The following EPHA3 variants were observed in gnomAD, a reference collection of about 807,000 sequenced individuals.
The protein encoded by EPHA3 is ephrin type-A receptor 3.
Under a neutral mutation model 107.1 loss-of-function variants are expected in EPHA3, and 42 were observed. That is an observed-to-expected ratio of 0.39 (90% CI 0.31 to 0.51). The LOEUF (loss-of-function observed/expected upper bound fraction) is 0.51. Ranked by LOEUF, EPHA3 falls within the 20% of genes least tolerant of loss-of-function variation. EPHA3 has a pLI of 0.78. For synonymous variants in EPHA3, 461 were observed against 424.8 expected (o/e 1.09, Z -1.05); for missense variants, 1,183 against 1,211.2 (o/e 0.98, Z 0.35).
intron 3 of EPHA3, among the ~76,000 whole-genome samples, chr3:89,313,572 G>A (rs555562842): frequency 6.6e-6 from 1 of 151,980 alleles, no homozygotes; most frequent in Admixed American, 6.6e-5. Flanking sequence ...TATACTTCAA[G>A]TGGGCACTAA....
rs147907885 is a variant in EPHA3 at position 89,305,630 on chromosome 3, A to G, written c.815-35286A>G. On this transcript the variant is annotated intron_variant, in intron 3 of 16. Transcript: ENST00000336596. ...TTCTATATTTGGGTTTCTTGATTGT[A>G]AGGGGAAAAAACCTATAATATGTTT... Among the ~76,000 whole-genome samples, 8 of 152,230 alleles carry G rather than the reference A, an allele frequency of 5.3e-5. No homozygotes were observed. The East Asian group carries it at 1.5e-3, about 29-fold the overall frequency.
intron 5 of EPHA3, among the ~76,000 whole-genome samples, chr3:89,344,478 G>A (rs961991684): frequency 6.6e-6 from 1 of 152,182 alleles, no homozygotes; most frequent in Admixed American, 6.5e-5. Flanking sequence ...ATCATTTTGT[G>A]TGCCTGGGGA....
intron 4 of EPHA3, among the ~76,000 whole-genome samples, chr3:89,341,364 T>C (rs1218644649): frequency 6.6e-6 from 1 of 152,192 alleles, no homozygotes; most frequent in Non-Finnish European, 1.5e-5. Context: ...GGGGAGGTTA[T>C]AGACAGGGGA....
At chr3:89,286,444 A>G (rs1706085708) in intron 3 of EPHA3, among the ~76,000 whole-genome samples, 1 of 152,094 alleles carries the variant, frequency 6.6e-6, no homozygotes, top group South Asian at 2.1e-4. Context: ...GGCAAAGGCG[A>G]AAGCAGGGAG....
chr3:89,313,696 T>C (rs1309576206), intron 3 of EPHA3, among the ~76,000 whole-genome samples: 1 of 151,910 alleles, frequency 6.6e-6, no homozygotes, highest in Non-Finnish European at 1.5e-5. Context: ...ATATACAGTC[T>C]TATGTTTACT....
intron 5 of EPHA3, among the ~76,000 whole-genome samples, chr3:89,350,481 C>T (rs1275415160): frequency 1.3e-5 from 2 of 151,212 alleles, no homozygotes; most frequent in African/African-American, 2.4e-5. Context: ...CTCCTTTAAG[C>T]ACTTCTCTGT....
chr3:89,476,551 A>G (rs1710511393), intron 16 of EPHA3, among the ~76,000 whole-genome samples: 1 of 147,718 alleles, frequency 6.8e-6, no homozygotes. Flanking sequence ...TAATATAAAT[A>G]TTATATATAT....
At chr3:89,287,422 A>G (rs555688423) in intron 3 of EPHA3, among the ~76,000 whole-genome samples, 2 of 152,268 alleles carry the variant, frequency 1.3e-5, no homozygotes, top group East Asian at 3.9e-4. Context: ...ATAATTCTCA[A>G]TGAAAAGAAA....
intron 3 of EPHA3, among the ~76,000 whole-genome samples, chr3:89,213,886 T>C (rs1217594565): frequency 1.3e-5 from 2 of 152,022 alleles, no homozygotes; most frequent in Non-Finnish European, 2.9e-5. Context: ...ATGACAGCTG[T>C]CTATTTCCTC....
intron 5 of EPHA3, among the ~76,000 whole-genome samples, chr3:89,366,355 C>A (rs1708183956): frequency 6.6e-6 from 1 of 150,536 alleles, no homozygotes; most frequent in South Asian, 2.1e-4. Flanking sequence ...ATAATTTAAA[C>A]ACATGTGGAA....
Position 89,407,386 on chromosome 3 carries a change from T to C in EPHA3, c.1697+15T>C. On this transcript the variant is annotated intron_variant, in intron 8 of 16. Transcript: ENST00000336596. ...TTGATTGGGAGGTGAGTTCACAGTC[T>C]GTTTCACTATTCACTTTCTTTGTTG... is the stretch of plus-strand genomic sequence containing the variant. The C allele has an allele frequency of 4.4e-6, 7 of 1,595,288 alleles. No individual in the cohort carries two copies. Among genetic ancestry groups the C allele is most frequent in the Non-Finnish European group, 6.0e-6 (7 of 1,163,426 alleles).
chr3:89,168,040 A>T (rs73845994), intron 2 of EPHA3, among the ~76,000 whole-genome samples: 5,123 of 152,260 alleles, frequency 0.034, 300 homozygotes, highest in African/African-American at 0.12. Flanking sequence ...CAAAGGTTTG[A>T]AGTTGACACT....
At chr3:89,471,409 C>A (rs1354954289) in intron 15 of EPHA3, among the ~76,000 whole-genome samples, 2 of 152,122 alleles carry the variant, frequency 1.3e-5, no homozygotes, top group Non-Finnish European at 2.9e-5. Flanking sequence ...GCTCCTGTTG[C>A]CCAGGCTGGA....
intron 5 of EPHA3, among the ~76,000 whole-genome samples, chr3:89,357,209 C>A (rs1707984532): frequency 7.3e-6 from 1 of 136,758 alleles, no homozygotes. Flanking sequence ...CAGGTGGCAA[C>A]AAATGTTCTA....
At chr3:89,395,262 C>A (rs1204366477) in intron 5 of EPHA3, among the ~76,000 whole-genome samples, 1 of 152,062 alleles carries the variant, frequency 6.6e-6, no homozygotes. Context: ...TGTTCCTTTT[C>A]TTTGTAGTCA....
At chr3:89,350,309 C>T (rs1483266073) in intron 5 of EPHA3, among the ~76,000 whole-genome samples, 1 of 150,022 alleles carries the variant, frequency 6.7e-6, no homozygotes. Flanking sequence ...GGAGGCTTTG[C>T]TCATTTCTTT....
Position 89,298,482 on chromosome 3 carries a change from T to C in EPHA3, c.815-42434T>C, listed in dbSNP as rs186245017. On this transcript the variant is annotated intron_variant, in intron 3 of 16. Transcript: ENST00000336596. ...ATTTCCCTTTTGTTAAGGATCTCTG[T>C]TCTTTGTTGCCTGATATCCAGTGAC... Among the ~76,000 whole-genome samples, 239 of 152,290 alleles carry C rather than the reference T, an allele frequency of 1.6e-3. 2 individuals are homozygous for C. The highest frequency in any genetic ancestry group is 4.9e-4 in the Non-Finnish European group (33 of 68,014).
intron 11 of EPHA3, among the ~76,000 whole-genome samples, chr3:89,424,286 A>C (rs184170770): frequency 1.3e-5 from 2 of 151,492 alleles, no homozygotes; most frequent in Admixed American, 1.3e-4. Flanking sequence ...GGTAATAAGA[A>C]AGTTCTATCT....
intron 3 of EPHA3, among the ~76,000 whole-genome samples, chr3:89,222,226 C>CTTGACA (rs1576242886): frequency 6.6e-6 from 1 of 151,516 alleles, no homozygotes; most frequent in East Asian, 1.9e-4. Context: ...TCATTATTAG[C>CTTGACA]TTGACAGATC....
Sources: gnomAD v4.1 joint callset for allele counts (sites outside exome capture counted in the v4.1 genomes callset) on GRCh38, gnomAD v4.1.1 for gene constraint, MANE v1.5 for transcripts, NCBI Gene and HGNC (gene_info 2026-07-23, HGNC 2026-07-21) for gene names.